C14orf39: variants seen among roughly 807,000 people sequenced by gnomAD.
The protein encoded by C14orf39 is chromosome 14 open reading frame 39, also known as protein SIX6OS1.
Under a neutral mutation model 85.6 loss-of-function variants are expected in C14orf39, and 66 were observed. The ratio of observed to expected loss-of-function variants is 0.77; its 90% CI spans 0.63 to 0.95. The LOEUF (loss-of-function observed/expected upper bound fraction) is 0.95, where lower values mean the gene tolerates loss of function less well. Among genes scored for constraint, C14orf39 ranks in the 40% least tolerant of loss-of-function variants. C14orf39 has a pLI of 0.00. For synonymous variants in C14orf39, 242 were observed against 214.0 expected (o/e 1.13, Z -1.14); for missense variants, 735 against 663.9 (o/e 1.11, Z -1.18).
At chr14:60,474,923 G>A (rs989976890) in intron 5 of C14orf39, among the ~76,000 whole-genome samples, 1 of 152,196 alleles carries the variant, frequency 6.6e-6, no homozygotes, top group Non-Finnish European at 1.5e-5. Flanking sequence ...CATAAAATGA[G>A]TTAGGGAGGA....
chr14:60,468,776 A>C (rs1244828081), intron 8 of C14orf39, among the ~76,000 whole-genome samples: 1 of 151,632 alleles, frequency 6.6e-6, no homozygotes, highest in Non-Finnish European at 1.5e-5. Context: ...TCTTTTTAAA[A>C]ACAGATAATT....
rs555750516 is a variant in C14orf39 at position 60,499,877 on chromosome 14, T to C, written c.-143-447A>G. Among the ~76,000 whole-genome samples, 7 of 152,322 alleles carry C rather than the reference T, an allele frequency of 4.6e-5. No homozygotes were observed. The South Asian group carries it at 1.0e-3, about 23-fold the overall frequency. The stretch of plus-strand genomic sequence containing the variant: ...AATTCTCCAAAGAATAAATACAAAT[T>C]ACCCATAAATATATTAACATGTATA... On this transcript the variant is annotated intron_variant, in intron 1 of 5. Transcript: ENST00000556799.
At chr14:60,472,525 A>C (rs1211147921) in intron 5 of C14orf39, among the ~76,000 whole-genome samples, 1 of 152,126 alleles carries the variant, frequency 6.6e-6, no homozygotes, top group Non-Finnish European at 1.5e-5. Flanking sequence ...AGCATTAGAT[A>C]TATCTCCTAA....
In C14orf39 at chr14:60,515,093, GCC is replaced by G. The variant is rs1272232262; in HGVS notation, c.-144+300_-144+301del. ...AGAAGGGGTCATTGTCCGCGCGCTG[GCC>G]CGGGCGCCGAGGCGTGTCCCTGCCT... On this transcript the variant is annotated intron_variant, in intron 1 of 5. Transcript: ENST00000556799. This position sits in a 1 kb window ranked among gnomAD's most constrained non-coding sequence, Gnocchi z 6.2. 1 of 152,244 alleles carries G rather than the reference GCC, an allele frequency of 6.6e-6. No homozygotes were observed. Among genetic ancestry groups the G allele is most frequent in the African/African-American group, 2.4e-5 (1 of 41,444 alleles). The allele number at this position is 152,244 out of a possible 1,614,324, so 9.4% of individuals were successfully genotyped here.
chr14:60,504,000 G>A (rs1302306827), intron 1 of C14orf39, among the ~76,000 whole-genome samples: 1 of 152,086 alleles, frequency 6.6e-6, no homozygotes, highest in Non-Finnish European at 1.5e-5. Flanking sequence ...GGGGTCTGGG[G>A]GACCACTGTT....
At chr14:60,499,305 A>C (rs1351754223) in exon 2 of C14orf39, 1 of 152,212 alleles carries the variant, frequency 6.6e-6, no homozygotes, top group Admixed American at 6.5e-5. Flanking sequence ...CCAGATATTA[A>C]AATGTACTTC....
intron 5 of C14orf39, among the ~76,000 whole-genome samples, chr14:60,477,397 C>T (rs184596162): frequency 3.4e-4 from 52 of 152,060 alleles, no homozygotes; most frequent in Non-Finnish European, 6.8e-4. Context: ...TGTTCTCATC[C>T]AATTATATTA....
intron 4 of C14orf39, among the ~76,000 whole-genome samples, chr14:60,480,762 T>C (rs1045714492): frequency 1.4e-4 from 10 of 71,208 alleles, no homozygotes; most frequent in Non-Finnish European, 3.7e-4. Flanking sequence ...TATGAAATAC[T>C]ATACAGCCTG....
chr14:60,441,918 C>T (rs1566653382), intron 17 of C14orf39, among the ~76,000 whole-genome samples, 156 bp downstream of exon 17: 1 of 151,904 alleles, frequency 6.6e-6, no homozygotes, highest in African/African-American at 2.4e-5. Flanking sequence ...AAGCTAATTG[C>T]TTGAAAAAGA....
At position 60,484,824 on chromosome 14, in the gene C14orf39, T is replaced by A. The variant is rs190675807; in HGVS notation, c.106+57A>T. On this transcript the variant is annotated intron_variant, in intron 3 of 17. Coordinates refer to ENST00000321731, the MANE Select transcript of C14orf39 (RefSeq NM_174978.3). This position sits in a 1 kb window ranked among gnomAD's most constrained non-coding sequence, Gnocchi z 4.2. ...TTGCCCTAAACAGAGCAATTGTATGTTATATGCCATAAGGAATTAAAAGAC... is the reference window on the plus strand; with the variant it reads ...TTGCCCTAAACAGAGCAATTGTATGATATATGCCATAAGGAATTAAAAGAC... The A allele has an allele frequency of 3.2e-4, 400 of 1,253,918 alleles. 1 individual carries two copies. The highest frequency in any genetic ancestry group is 5.4e-5 in the Non-Finnish European group (47 of 877,586). 77.7% of individuals were successfully genotyped at this position (1,253,918 alleles called of 1,614,324 possible). A position where few individuals can be genotyped will look rare whatever the true frequency, so the allele number is the denominator to read the frequency against.
Position 60,469,642 on chromosome 14 carries a change from C to T in C14orf39, c.566G>A (p.Arg189Lys). 2 of 1,321,222 alleles carry T rather than the reference C, an allele frequency of 1.5e-6. No homozygotes were observed. The highest frequency in any genetic ancestry group is 2.1e-6 in the Non-Finnish European group (2 of 967,568). 81.8% of individuals were successfully genotyped at this position (1,321,222 alleles called of 1,614,324 possible). A position where few individuals can be genotyped will look rare whatever the true frequency, so the allele number is the denominator to read the frequency against. ...TTTAAGAATATCTTGTGTTTCACAT[C>T]TCAAATTAACACTTTTTATGTTAAG... ...TKWTLNIVNL[R>K]CETQDILKHA... Residue 189 changes from arginine (R) to lysine (K), a missense_variant, in exon 8 of 18, where the codon AGA (arginine) becomes AAA (lysine). Physicochemically the swap from Arg to Lys is conservative, Grantham distance 26. Transcript: ENST00000321731.
chr14:60,438,669 A>C (rs879558020), intron 17 of C14orf39, among the ~76,000 whole-genome samples: 1 of 152,170 alleles, frequency 6.6e-6, no homozygotes, highest in African/African-American at 2.4e-5. Context: ...AGTATAAAAA[A>C]GAAGAGATAT....
chr14:60,506,152 C>T (rs184254849), intron 1 of C14orf39, among the ~76,000 whole-genome samples: 27 of 152,206 alleles, frequency 1.8e-4, no homozygotes, highest in African/African-American at 6.5e-4. Context: ...TTGTCCAAGA[C>T]CTCATGTCCC....
At chr14:60,446,823 C>G (rs1321521369) in intron 16 of C14orf39, among the ~76,000 whole-genome samples, 2 of 152,194 alleles carry the variant, frequency 1.3e-5, no homozygotes, top group Non-Finnish European at 2.9e-5. Flanking sequence ...AAATCCAATA[C>G]AGCAGCACAT....
At chr14:60,447,057 A>G (rs148087881) in intron 16 of C14orf39, among the ~76,000 whole-genome samples, 3,214 of 152,320 alleles carry the variant, frequency 0.021, 27 homozygotes, top group African/African-American at 0.074. Context: ...TCTCAAAATA[A>G]TAAGAGCTAT....
chr14:60,510,867 G>C (rs948763202), intron 1 of C14orf39, among the ~76,000 whole-genome samples: 2 of 152,238 alleles, frequency 1.3e-5, no homozygotes, highest in African/African-American at 4.8e-5. Flanking sequence ...GAGAAAGGGC[G>C]CGAATCATGG....
upstream of C14orf39, among the ~76,000 whole-genome samples, chr14:60,488,212 C>T (rs1315467374): frequency 1.3e-5 from 2 of 152,132 alleles, no homozygotes; most frequent in Admixed American, 6.5e-5. Flanking sequence ...TCTAGAAACA[C>T]CACCTTACTG....
chr14:60,511,070 T>C, intron 1 of C14orf39: 1 of 1,611,934 alleles, frequency 6.2e-7, no homozygotes, highest in East Asian at 2.2e-5. Context: ...CCGTGTTCCC[T>C]TTCTTCCCCG....
chr14:60,476,449 C>G (rs950655152), intron 5 of C14orf39, among the ~76,000 whole-genome samples: 10 of 152,176 alleles, frequency 6.6e-5, no homozygotes, highest in Admixed American at 1.3e-4. Context: ...GTAATTGGTG[C>G]CTCTACTTCC....
Sources: gnomAD v4.1 joint callset for allele counts (sites outside exome capture counted in the v4.1 genomes callset) on GRCh38, gnomAD v4.1.1 for gene constraint, Gnocchi (gnomAD v3.1) non-coding constraint, MANE v1.5 for transcripts, NCBI Gene and HGNC (gene_info 2026-07-23, HGNC 2026-07-21) for gene names.